The following TRIM15 variants were observed in gnomAD, a reference collection of about 807,000 sequenced individuals.
TRIM15 encodes the protein tripartite motif containing 15.
Under a neutral mutation model 35.8 loss-of-function variants are expected in TRIM15, and 35 were observed. The observed-to-expected ratio is 0.98, with a 90% CI of 0.75 to 1.30. The LOEUF (loss-of-function observed/expected upper bound fraction) is 1.30, where lower values mean the gene tolerates loss of function less well. TRIM15 is among the 50% of genes most tolerant of loss of function. The pLI, the probability that TRIM15 is intolerant of heterozygous loss-of-function variation, is 0.00. For synonymous variants in TRIM15, 252 were observed against 249.8 expected, an observed-to-expected ratio of 1.01 and a Z score of -0.08; for missense variants, 590 against 593.5, an observed-to-expected ratio of 0.99 and a Z score of 0.06.
intron 1 of TRIM15, 48 bp from the exon 2 acceptor site, chr6:30,167,128 T>C: frequency 6.7e-7 from 1 of 1,493,086 alleles, no homozygotes; most frequent in South Asian, 1.1e-5. Context: ...AATTGTGAGT[T>C]GAATTATTAA....
chr6:30,168,155 C>T, intron 2 of TRIM15, 145 bp from the exon 3 acceptor site: 1 of 671,116 alleles, frequency 1.5e-6, no homozygotes, highest in Non-Finnish European at 2.5e-6. Context: ...TGAGACCTAA[C>T]TACTTCTAGG....
At position 30,172,386 on chromosome 6, in the gene TRIM15, G is replaced by C; in HGVS notation, c.*37G>C. On this transcript the variant is annotated 3_prime_UTR_variant, in exon 7 of 7. Coordinates refer to ENST00000376694, the MANE Select transcript of TRIM15 (RefSeq NM_033229.3). ...CGAAGGGCGGCGAAGCGGAGACGGC[G>C]GCTCTCCGGGATCCAGCTCCGCCCC... 1 of 1,561,236 alleles carries C rather than the reference G, an allele frequency of 6.4e-7. No individual in the cohort carries two copies. Among genetic ancestry groups the C allele is most frequent in the Non-Finnish European group, 8.6e-7 (1 of 1,156,962 alleles).
Position 30,172,448 on chromosome 6 carries a change from G to GTGAGGCGAGAGAACAGGGGACT in TRIM15, c.*104_*125dup. 2 of 1,490,866 alleles carry GTGAGGCGAGAGAACAGGGGACT rather than the reference G, an allele frequency of 1.3e-6. No homozygotes were observed. Among genetic ancestry groups the GTGAGGCGAGAGAACAGGGGACT allele is most frequent in the Non-Finnish European group, 1.8e-6 (2 of 1,115,184 alleles). The allele number at this position is 1,490,866 out of a possible 1,614,324, so 92.4% of individuals were successfully genotyped here. On this transcript the variant is annotated 3_prime_UTR_variant, in exon 7 of 7. Coordinates refer to ENST00000376694, the MANE Select transcript of TRIM15 (RefSeq NM_033229.3). ...CGGCCCGGGGGCTCCCTGTGCCCGC[G>GTGAGGCGAGAGAACAGGGGACT]TGAGGCGAGAGAACAGGGGACTTGA...
At chr6:30,166,620 G>GT (rs1461218007) in intron 1 of TRIM15, among the ~76,000 whole-genome samples, 5 of 147,828 alleles carry the variant, frequency 3.4e-5, no homozygotes, top group Non-Finnish European at 6.0e-5. Flanking sequence ...ATATAAAGTA[G>GT]TTTTTTCTAA....
intron 5 of TRIM15, 46 bp downstream of exon 5, chr6:30,170,662 C>T (rs765938648): frequency 6.9e-7 from 1 of 1,449,302 alleles, no homozygotes; most frequent in Admixed American, 1.7e-5. Context: ...ATTAGCTGCC[C>T]TCCTGTCTTC....
At chr6:30,164,289 C>T (rs1773421109) in intron 1 of TRIM15, among the ~76,000 whole-genome samples, 1 of 152,122 alleles carries the variant, frequency 6.6e-6, no homozygotes, top group African/African-American at 2.4e-5. Flanking sequence ...TCAGAGGACC[C>T]CACAGAGGTG....
chr6:30,164,016 A>C lies in TRIM15; in HGVS notation c.332A>C (p.His111Pro). The change falls in exon 1 of 7, where the codon CAC becomes CCC. Residue 111 changes from histidine to proline, a missense_variant. Physicochemically the swap from His to Pro is moderately conservative, Grantham distance 77. Coordinates refer to ENST00000376694, the MANE Select transcript of TRIM15 (RefSeq NM_033229.3). ...LCVFCREGPT[H>P]QAHTVGFLDE... ...GTGTTCTGCAGGGAGGGTCCCACGC[A>C]CCAGGCGCACACCGTGGGGTTCCTG... 1 of 1,613,098 alleles carries C rather than the reference A, an allele frequency of 6.2e-7. No individual in the cohort carries two copies.
At chr6:30,170,447 C>T in intron 4 of TRIM15, 54 bp from the exon 5 acceptor site, 1 of 1,237,418 alleles carries the variant, frequency 8.1e-7, no homozygotes, top group South Asian at 1.2e-5. Context: ...GTGGTCTCAC[C>T]CGAACATTTG....
At position 30,172,311 on chromosome 6, in the gene TRIM15, G is replaced by A; in HGVS notation, c.1360G>A (p.Val454Ile). 6.2e-7 allele frequency: 1 copy of A among 1,611,028 alleles called. No homozygotes were observed. The highest frequency in any genetic ancestry group is 1.1e-5 in the South Asian group (1 of 90,932). ...FSGKVFPFFAVWKKGSCLTLK... is the reference protein window; with the variant it reads ...FSGKVFPFFAIWKKGSCLTLK... ...CGGCAAAGTCTTCCCTTTCTTTGCC[G>A]TCTGGAAAAAAGGTTCCTGCCTTAC... The change falls in exon 7 of 7, where the codon GTC becomes ATC. Residue 454 changes from valine (V) to isoleucine (I), a missense_variant. By Grantham distance (29) the Val-to-Ile change is conservative (BLOSUM62 3). Coordinates refer to ENST00000376694, the MANE Select transcript of TRIM15 (RefSeq NM_033229.3).
Position 30,163,665 on chromosome 6 carries a change from G to T in TRIM15, c.-20G>T. 1 of 1,584,886 alleles carries T rather than the reference G, an allele frequency of 6.3e-7. No homozygotes were observed. Among genetic ancestry groups the T allele is most frequent in the Non-Finnish European group, 8.6e-7 (1 of 1,163,908 alleles). ...GTGGGCTGAGGAGACCGGAGTGGAC[G>T]GGCTGGGGAAGGCACCGTGATGCCC... is the stretch of plus-strand genomic sequence containing the variant. On this transcript the variant is annotated 5_prime_UTR_variant, in exon 1 of 7. Transcript: ENST00000376694.
rs772158388 is a variant in TRIM15 at position 30,163,879 on chromosome 6, G to C, written c.195G>C (p.Gln65His). The change falls in exon 1 of 7, where the codon CAG becomes CAC. Residue 65 changes from glutamine to histidine, a missense_variant. Coordinates refer to ENST00000376694, the MANE Select transcript of TRIM15 (RefSeq NM_033229.3). ...LLCPLCQEEEQAETPMAPVPL... is the reference protein window; with the variant it reads ...LLCPLCQEEEHAETPMAPVPL... ...GCCCGCTCTGCCAAGAGGAGGAGCA[G>C]GCAGAGACTCCCATGGCCCCTGTGC... 2 of 1,613,084 alleles carry C rather than the reference G, an allele frequency of 1.2e-6. No homozygotes were observed. The highest frequency in any genetic ancestry group is 2.2e-5 in the South Asian group (2 of 91,080).
intron 1 of TRIM15, 77 bp from the exon 2 acceptor site, chr6:30,167,099 C>T (rs1773654303): frequency 1.5e-6 from 2 of 1,334,598 alleles, no homozygotes; most frequent in African/African-American, 1.4e-5. Flanking sequence ...AACAGTGTGC[C>T]CAGGATGTGA....
At chr6:30,171,225 A>G (rs1773994633) in intron 6 of TRIM15, 1 of 496,028 alleles carries the variant, frequency 2.0e-6, no homozygotes, top group Non-Finnish European at 3.5e-6. Context: ...TACCTGTCCC[A>G]TAAGTAGCTG....
intron 2 of TRIM15, 101 bp downstream of exon 2, chr6:30,167,372 G>C: frequency 1.1e-6 from 1 of 945,504 alleles, no homozygotes. Context: ...GAAAAGAACT[G>C]ACAAACTGTT....
chr6:30,164,530 A>G (rs1167733349), intron 1 of TRIM15, among the ~76,000 whole-genome samples: 1 of 152,192 alleles, frequency 6.6e-6, no homozygotes, highest in Non-Finnish European at 1.5e-5. Context: ...GCAGTAGTCC[A>G]GAATTGTGAG....
At chr6:30,170,847 C>A in intron 5 of TRIM15, 129 bp from the exon 6 acceptor site, 2 of 1,097,142 alleles carry the variant, frequency 1.8e-6, no homozygotes, top group East Asian at 2.4e-5. Context: ...CCTTCTCCTC[C>A]ACTAGACCAC....
chr6:30,166,475 A>C (rs1215859945), intron 1 of TRIM15, among the ~76,000 whole-genome samples: 1 of 152,064 alleles, frequency 6.6e-6, no homozygotes, highest in Non-Finnish European at 1.5e-5. Context: ...GTCTGTTTTG[A>C]TACCAGACAT....
At chr6:30,164,735 T>A (rs1773460073) in intron 1 of TRIM15, among the ~76,000 whole-genome samples, 1 of 152,198 alleles carries the variant, frequency 6.6e-6, no homozygotes, top group African/African-American at 2.4e-5. Context: ...GTCTCCATTC[T>A]CACCCTTTCC....
rs754642700 is a variant in TRIM15, at chr6:30,172,317, A to C, written c.1366A>C (p.Lys456Gln). Residue 456 changes from lysine to glutamine, a missense_variant, in exon 7 of 7, where the codon AAA (lysine) becomes CAA (glutamine). Lys to Gln is a moderately conservative substitution (Grantham distance 53). Coordinates refer to ENST00000376694, the MANE Select transcript of TRIM15 (RefSeq NM_033229.3). ...AGTCTTCCCTTTCTTTGCCGTCTGG[A>C]AAAAAGGTTCCTGCCTTACGCTGAA... Reference protein sequence around the residue: ...GKVFPFFAVWKKGSCLTLKG With the variant: ...GKVFPFFAVWQKGSCLTLKG 3 of 1,611,156 alleles carry C rather than the reference A, an allele frequency of 1.9e-6. No homozygotes were observed.
Sources: allele counts gnomAD v4.1 joint callset (sites outside exome capture counted in the v4.1 genomes callset), GRCh38; gene constraint gnomAD v4.1.1; transcripts MANE v1.5; gene names NCBI Gene and HGNC (gene_info 2026-07-23, HGNC 2026-07-21).